Variants in MIS18A observed in about 807,000 individuals in gnomAD.
MIS18A encodes protein Mis18-alpha.
Under a neutral mutation model 25.0 loss-of-function variants are expected in MIS18A, and 14 were observed. That is an observed-to-expected ratio of 0.56 (90% CI 0.37 to 0.88). MIS18A has a LOEUF of 0.88. Among genes scored for constraint, MIS18A ranks in the 40% least tolerant of loss-of-function variants. MIS18A has a pLI of 0.00. For synonymous variants in MIS18A, 134 were observed against 118.6 expected, an observed-to-expected ratio of 1.13 and a Z score of -0.84; for missense variants, 292 against 290.8, an observed-to-expected ratio of 1.00 and a Z score of -0.03.
the MIS18A span, among the ~76,000 whole-genome samples, chr21:32,217,837 C>T: frequency 1.3e-5 from 2 of 152,044 alleles, no homozygotes; most frequent in African/African-American, 2.4e-5. Context: ...AAAACACTAT[C>T]AACCAATAAT....
At chr21:32,274,761 AATGACCTT>A in intron 2 of MIS18A, 61 bp downstream of exon 2, 2 of 1,226,956 alleles carry the variant, frequency 1.6e-6, no homozygotes, top group African/African-American at 3.1e-5. Context: ...TACTACTAGT[AATGACCTT>A]TTAAAGATTT....
chr21:32,250,690 G>C, the MIS18A span, among the ~76,000 whole-genome samples: 1 of 152,168 alleles, frequency 6.6e-6, no homozygotes, highest in African/African-American at 2.4e-5. Flanking sequence ...AGACGCCCTT[G>C]GCCAGGCCAC....
chr21:32,186,246 A>G, the MIS18A span, among the ~76,000 whole-genome samples: 1 of 152,078 alleles, frequency 6.6e-6, no homozygotes, highest in Non-Finnish European at 1.5e-5. Flanking sequence ...ATTTTCAGAG[A>G]CTCTGTTCTC....
chr21:32,200,740 A>G, the MIS18A span, among the ~76,000 whole-genome samples: 1 of 152,162 alleles, frequency 6.6e-6, no homozygotes, highest in East Asian at 1.9e-4. Flanking sequence ...GCCCCGCCCA[A>G]GGCTTTTTCT....
rs1385687574 is a variant in MIS18A at position 32,269,032 on chromosome 21, A to G, written c.*5T>C. 8 of 1,592,468 alleles carry G rather than the reference A, an allele frequency of 5.0e-6. No individual in the cohort carries two copies. The African/African-American group carries it at 6.7e-5, about 13-fold the overall frequency. On this transcript the variant is annotated 3_prime_UTR_variant, in exon 5 of 5. Transcript: ENST00000290130. Reference sequence around the variant, plus strand: ...GGGGGCAGAATGGAGGACACAGACTAGAGTTCAGCTTTTACAAGTGGCAAA... The same window carrying G: ...GGGGGCAGAATGGAGGACACAGACTGGAGTTCAGCTTTTACAAGTGGCAAA...
At chr21:32,216,246 C>T in the MIS18A span, among the ~76,000 whole-genome samples, 1 of 152,174 alleles carries the variant, frequency 6.6e-6, no homozygotes, top group African/African-American at 2.4e-5. Context: ...CCCAGATTTG[C>T]AGTACTCTGG....
At chr21:32,162,417 T>C in the MIS18A span, among the ~76,000 whole-genome samples, 2 of 152,182 alleles carry the variant, frequency 1.3e-5, no homozygotes, top group East Asian at 3.8e-4. Flanking sequence ...TCCTCTCCCA[T>C]CTCTTGCCCC....
At chr21:32,190,006 G>A in the MIS18A span, among the ~76,000 whole-genome samples, 1 of 152,204 alleles carries the variant, frequency 6.6e-6, no homozygotes, top group Non-Finnish European at 1.5e-5. Flanking sequence ...TTGACATTAT[G>A]AGTCTTGGTC....
chr21:32,187,317 C>T, the MIS18A span, among the ~76,000 whole-genome samples: 3 of 152,132 alleles, frequency 2.0e-5, no homozygotes, highest in African/African-American at 7.2e-5. Flanking sequence ...GCCAGTGTCA[C>T]ATTTTGAAGT....
chr21:32,278,085 G>C (rs1052485979), intron 1 of MIS18A: 10 of 152,314 alleles, frequency 6.6e-5, no homozygotes, highest in African/African-American at 2.4e-4. Context: ...AACAACAGAG[G>C]TAAGAGGTAA....
At chr21:32,228,362 C>T in the MIS18A span, among the ~76,000 whole-genome samples, 78 of 152,320 alleles carry the variant, frequency 5.1e-4, no homozygotes, top group African/African-American at 1.9e-3. Context: ...GCTGGGATTA[C>T]AGGCATGAGC....
chr21:32,179,526 C>T, the MIS18A span, among the ~76,000 whole-genome samples: 5 of 152,288 alleles, frequency 3.3e-5, no homozygotes, highest in East Asian at 1.9e-4. Flanking sequence ...CCAGGGTAAC[C>T]GCCAGTTGCA....
At chr21:32,236,344 C>T in the MIS18A span, among the ~76,000 whole-genome samples, 1 of 152,112 alleles carries the variant, frequency 6.6e-6, no homozygotes, top group Non-Finnish European at 1.5e-5. Context: ...GATCGCACCA[C>T]CGCACTCCAA....
chr21:32,172,103 C>A, the MIS18A span, among the ~76,000 whole-genome samples: 3 of 151,982 alleles, frequency 2.0e-5, no homozygotes, highest in African/African-American at 7.2e-5. Context: ...TCACCTCACA[C>A]CTTTTAGGAT....
the MIS18A span, among the ~76,000 whole-genome samples, chr21:32,243,902 C>T: frequency 2.0e-5 from 3 of 151,564 alleles, no homozygotes; most frequent in African/African-American, 4.8e-5. Context: ...TGCAGTGAGC[C>T]GAGATCGTGC....
Position 32,268,881 on chromosome 21 carries a change from C to G in MIS18A, c.*156G>C. The G allele has an allele frequency of 1.9e-6, 1 of 514,458 alleles. No homozygotes were observed. Among genetic ancestry groups the G allele is most frequent in the Admixed American group, 3.5e-5 (1 of 28,702 alleles). The allele number at this position is 514,458 out of a possible 1,614,324, so 31.9% of individuals were successfully genotyped here. On this transcript the variant is annotated 3_prime_UTR_variant, in exon 5 of 5. Transcript: ENST00000290130. ...CCAAGGCTCACTGCAGCCTCAACCT[C>G]CCAAGCTCATCTGATCCTCCCACCT...
the MIS18A span, among the ~76,000 whole-genome samples, chr21:32,210,668 GT>G: frequency 6.6e-6 from 1 of 152,200 alleles, no homozygotes; most frequent in African/African-American, 2.4e-5. Context: ...GAGCAGGAAT[GT>G]TTGTGCTGAC....
At chr21:32,163,853 A>T in the MIS18A span, among the ~76,000 whole-genome samples, 2 of 152,156 alleles carry the variant, frequency 1.3e-5, no homozygotes, top group Non-Finnish European at 2.9e-5. Context: ...GTGTTGCTAT[A>T]AAGGGATACC....
At chr21:32,171,750 G>T in the MIS18A span, among the ~76,000 whole-genome samples, 1 of 152,108 alleles carries the variant, frequency 6.6e-6, no homozygotes, top group Non-Finnish European at 1.5e-5. Context: ...CATACATCCA[G>T]TCCACAATTG....
Sources: allele counts gnomAD v4.1 joint callset (sites outside exome capture counted in the v4.1 genomes callset), GRCh38; gene constraint gnomAD v4.1.1; transcripts MANE v1.5; gene names NCBI Gene and HGNC (gene_info 2026-07-23, HGNC 2026-07-21).